RASGEF1C: variants seen among roughly 807,000 people sequenced by gnomAD.
RASGEF1C encodes RasGEF domain family member 1C, also known as ras-GEF domain-containing family member 1C.
Under a neutral mutation model 58.1 loss-of-function variants are expected in RASGEF1C, and 27 were observed. That is an observed-to-expected ratio of 0.46 (90% CI 0.34 to 0.64). The LOEUF (loss-of-function observed/expected upper bound fraction) is 0.64. Ranked by LOEUF, RASGEF1C falls within the 30% of genes least tolerant of loss-of-function variation. The pLI is 0.01. For synonymous variants in RASGEF1C, 243 were observed against 246.3 expected (o/e 0.99, Z 0.13); for missense variants, 502 against 605.1 (o/e 0.83, Z 1.79).
At position 180,105,272 on chromosome 5, in the gene RASGEF1C, C is replaced by T. The variant is rs192676956; in HGVS notation, c.1304-3129G>A. Reference sequence around the variant, plus strand: ...TATCTGAACTGCCTGCATCACTGCTCAGGTACTTTGCCAGGCGCGGTGGCT... The same window carrying T: ...TATCTGAACTGCCTGCATCACTGCTTAGGTACTTTGCCAGGCGCGGTGGCT... On this transcript the variant is annotated intron_variant, in intron 12 of 13. Coordinates refer to ENST00000361132, the MANE Select transcript of RASGEF1C (RefSeq NM_175062.4). 1.3e-5 allele frequency among the ~76,000 whole-genome samples: 2 copies of T among 152,262 alleles called. 1 individual carries two copies. The highest frequency in any genetic ancestry group is 1.3e-4 in the Admixed American group (2 of 15,292).
intron 1 of RASGEF1C, among the ~76,000 whole-genome samples, chr5:180,176,570 T>G (rs1003102813): frequency 6.6e-6 from 1 of 151,226 alleles, no homozygotes; most frequent in Non-Finnish European, 1.5e-5. Flanking sequence ...TTTTTTTTTT[T>G]TTTTGAGATG....
intron 10 of RASGEF1C, among the ~76,000 whole-genome samples, chr5:180,116,026 A>C (rs1011115526): frequency 6.6e-6 from 1 of 151,902 alleles, no homozygotes; most frequent in African/African-American, 2.4e-5. Flanking sequence ...CACACAGAGG[A>C]GGCTCCTCTG....
At position 180,197,235 on chromosome 5, in the gene RASGEF1C, C is replaced by T. The variant is rs56007649; in HGVS notation, c.-7+11793G>A. Among the ~76,000 whole-genome samples the T allele has an allele frequency of 0.034, 5,225 of 152,324 alleles. 130 individuals carry two copies. Among genetic ancestry groups the T allele is most frequent in the East Asian group, 0.095 (492 of 5,176 alleles). On this transcript the variant is annotated intron_variant, in intron 1 of 13. Coordinates refer to ENST00000361132, the MANE Select transcript of RASGEF1C (RefSeq NM_175062.4). This position sits in a 1 kb window ranked among gnomAD's most constrained non-coding sequence, Gnocchi z 4.7. ...GAGCTCTCTGCCTTGCCTCCCTCAG[C>T]CACACACCTGTGAATCACTCAACAA...
At position 180,138,044 on chromosome 5, in the gene RASGEF1C, C is replaced by T. The variant is rs377499686; in HGVS notation, c.9G>A (p.Gln3=). 446 of 1,504,390 alleles carry T rather than the reference C, an allele frequency of 3.0e-4. No individual in the cohort carries two copies. Among genetic ancestry groups the T allele is most frequent in the Non-Finnish European group, 3.9e-4 (440 of 1,132,276 alleles). The allele number at this position is 1,504,390 out of a possible 1,614,324, so 93.2% of individuals were successfully genotyped here. A position where few individuals can be genotyped will look rare whatever the true frequency, so the allele number is the denominator to read the frequency against. Residue 3 remains glutamine (Q), a synonymous_variant, in exon 2 of 14, where the codon CAG becomes CAA. Transcript: ENST00000361132. ...TGACCATGTCGGAGGCACTCAGCGT[C>T]TGTGGCATGTCTGCCTGCAATGGCA... MP[Q]TLSASDMVTP...
At chr5:180,206,839 C>T (rs1348740233) in intron 1 of RASGEF1C, among the ~76,000 whole-genome samples, 1 of 152,146 alleles carries the variant, frequency 6.6e-6, no homozygotes, top group Non-Finnish European at 1.5e-5. Context: ...AGGAGCTGTA[C>T]GGCTAACTTT....
Position 180,137,504 on chromosome 5 carries a change from T to TG in RASGEF1C, c.300+85dup. On this transcript the variant is annotated intron_variant, in intron 3 of 13. Coordinates refer to ENST00000361132, the MANE Select transcript of RASGEF1C (RefSeq NM_175062.4). The surrounding 1 kb of genome is among the most constrained non-coding windows in gnomAD (Gnocchi z 4.1). ...TTGTCAGGAAAACGGGGACAATCAT[T>TG]GCCTCCCCGAGAGGCTGATGCGTTG... is the stretch of plus-strand genomic sequence containing the variant. 3 of 1,524,438 alleles carry TG rather than the reference T, an allele frequency of 2.0e-6. No individual in the cohort carries two copies. Among genetic ancestry groups the TG allele is most frequent in the Non-Finnish European group, 1.8e-6 (2 of 1,128,652 alleles). The allele number at this position is 1,524,438 out of a possible 1,614,324, so 94.4% of individuals were successfully genotyped here.
intron 1 of RASGEF1C, among the ~76,000 whole-genome samples, chr5:180,188,349 A>G (rs1756077785): frequency 6.6e-6 from 1 of 152,232 alleles, no homozygotes; most frequent in South Asian, 2.1e-4. Flanking sequence ...GTAACTGCTA[A>G]TGAGTATAAA....
Position 180,151,632 on chromosome 5 carries a change from C to G in RASGEF1C, c.-6-13574G>C, listed in dbSNP as rs1224707151. 2.0e-5 allele frequency among the ~76,000 whole-genome samples: 3 copies of G among 152,048 alleles called. No individual in the cohort carries two copies. In the East Asian group the frequency reaches 5.8e-4, roughly 29 times the overall value. On this transcript the variant is annotated intron_variant, in intron 1 of 13. Transcript: ENST00000361132. ...TAAAAACCCTAGAAGAAAACCTAGG[C>G]AATACCATTCAGGACATAGGCATAG... is the stretch of plus-strand genomic sequence containing the variant.
intron 8 of RASGEF1C, 21 bp from the exon 9 acceptor site, chr5:180,118,887 G>A (rs200390928): frequency 1.9e-6 from 3 of 1,610,970 alleles, no homozygotes; most frequent in South Asian, 2.2e-5. Flanking sequence ...GAGGAGGGTT[G>A]GAGAGGGCTG....
At chr5:180,190,503 A>T (rs868746132) in intron 1 of RASGEF1C, among the ~76,000 whole-genome samples, 2,009 of 94,554 alleles carry the variant, frequency 0.021, 66 homozygotes, top group African/African-American at 0.064. Flanking sequence ...AAAAAAAAAA[A>T]AAAAATAATA....
rs202131786 is a variant in RASGEF1C at position 180,111,554 on chromosome 5, C to G, written c.1206G>C (p.Val402=). The G allele has an allele frequency of 3.1e-6, 5 of 1,614,042 alleles. No homozygotes were observed. Among genetic ancestry groups the G allele is most frequent in the African/African-American group, 1.3e-5 (1 of 74,926 alleles). Residue 402 remains valine, a synonymous_variant, in exon 12 of 14, where the codon GTG becomes GTC. Transcript: ENST00000361132. ...FEKFLELAKQ[V]GEFITWKQVE... is the part of the protein sequence containing the mutation. The stretch of plus-strand genomic sequence containing the variant: ...CTTGTTTCCAGGTGATGAACTCCCC[C>G]ACCTGCTTGGCCAGCTCCAGGAATT...
rs1383836090 is a variant in RASGEF1C, at chr5:180,197,603, A to G, written c.-7+11425T>C. 6.6e-6 allele frequency among the ~76,000 whole-genome samples: 1 copy of G among 152,114 alleles called. No homozygotes were observed. Among genetic ancestry groups the G allele is most frequent in the Non-Finnish European group, 1.5e-5 (1 of 67,998 alleles). The stretch of plus-strand genomic sequence containing the variant: ...ACAGCAGGCTGAGCTCAAGGCCCAC[A>G]CTGGCTGCATGGCCCTGGGATGTCC... On this transcript the variant is annotated intron_variant, in intron 1 of 13. Transcript: ENST00000361132. This position sits in a 1 kb window ranked among gnomAD's most constrained non-coding sequence, Gnocchi z 4.7.
chr5:180,186,621 T>C (rs1212418596), intron 1 of RASGEF1C, among the ~76,000 whole-genome samples: 2 of 152,242 alleles, frequency 1.3e-5, no homozygotes, highest in African/African-American at 4.8e-5. Flanking sequence ...GATTTACAGA[T>C]TCAATGCAAT....
In RASGEF1C at chr5:180,177,947, C is replaced by T. The variant is rs1767257082; in HGVS notation, c.-7+31081G>A. Among the ~76,000 whole-genome samples, 1 of 151,618 alleles carries T rather than the reference C, an allele frequency of 6.6e-6. No homozygotes were observed. Among genetic ancestry groups the T allele is most frequent in the Non-Finnish European group, 1.5e-5 (1 of 67,940 alleles). ...AGACCATGTCCCACATCCAGCCATGCCTGAAGCCCACCTTGGGCTTTTTTT... is the reference window on the plus strand; with the variant it reads ...AGACCATGTCCCACATCCAGCCATGTCTGAAGCCCACCTTGGGCTTTTTTT... On this transcript the variant is annotated intron_variant, in intron 1 of 13. Coordinates refer to ENST00000361132, the MANE Select transcript of RASGEF1C (RefSeq NM_175062.4). The surrounding 1 kb of genome is among the most constrained non-coding windows in gnomAD (Gnocchi z 5.0).
Position 180,155,037 on chromosome 5 carries a change from A to C in RASGEF1C, c.-6-16979T>G, listed in dbSNP as rs1051014009. 6.6e-6 allele frequency among the ~76,000 whole-genome samples: 1 copy of C among 152,162 alleles called. No individual in the cohort carries two copies. Among genetic ancestry groups the C allele is most frequent in the South Asian group, 2.1e-4 (1 of 4,828 alleles). On this transcript the variant is annotated intron_variant, in intron 1 of 13. Coordinates refer to ENST00000361132, the MANE Select transcript of RASGEF1C (RefSeq NM_175062.4). This position sits in a 1 kb window ranked among gnomAD's most constrained non-coding sequence, Gnocchi z 5.2. ...GGGGACAACCTGAGTACTTGAAGCC[A>C]CAGTGTGACTCTTGGAAGCCTCCAG...
Position 180,129,591 on chromosome 5 carries a change from C to G in RASGEF1C, c.439-981G>C, listed in dbSNP as rs185275045. The stretch of plus-strand genomic sequence containing the variant: ...ACCTGCCCACCGCTCACTGCAGGCT[C>G]TGTGTGTCTCAAAATCGCATGAAGG... On this transcript the variant is annotated intron_variant, in intron 4 of 13. Transcript: ENST00000361132. Among the ~76,000 whole-genome samples the G allele has an allele frequency of 4.0e-3, 612 of 152,322 alleles. 3 individuals are homozygous for G. The highest frequency in any genetic ancestry group is 6.1e-3 in the Non-Finnish European group (414 of 68,028).
chr5:180,129,443 C>T (rs1207703885), intron 4 of RASGEF1C, among the ~76,000 whole-genome samples: 11 of 152,160 alleles, frequency 7.2e-5, no homozygotes, highest in Admixed American at 6.5e-4. Flanking sequence ...CGACTCCCAA[C>T]CCCGCCACCA....
intron 6 of RASGEF1C, among the ~76,000 whole-genome samples, chr5:180,126,701 G>C (rs1301048109): frequency 6.6e-6 from 1 of 152,166 alleles, no homozygotes; most frequent in East Asian, 1.9e-4. Context: ...TTGTAATCCA[G>C]TCCCCATGGG....
At chr5:180,199,942 A>C (rs991302832) in intron 1 of RASGEF1C, among the ~76,000 whole-genome samples, 2 of 152,180 alleles carry the variant, frequency 1.3e-5, no homozygotes, top group Non-Finnish European at 2.9e-5. Flanking sequence ...ATGGCTTAGT[A>C]AAAATAATGA....
Sources: gnomAD v4.1 joint callset for allele counts (sites outside exome capture counted in the v4.1 genomes callset) on GRCh38, gnomAD v4.1.1 for gene constraint, Gnocchi (gnomAD v3.1) non-coding constraint, MANE v1.5 for transcripts, NCBI Gene and HGNC (gene_info 2026-07-23, HGNC 2026-07-21) for gene names.